WDR90: variants seen among roughly 807,000 people sequenced by gnomAD.
WDR90 encodes the protein WD repeat domain 90, also known as WD repeat-containing protein 90.
In WDR90, 238 loss-of-function variants were observed where a neutral mutation model predicts 195.2. That is an observed-to-expected ratio of 1.22 (90% CI 1.10 to 1.36). WDR90 has a LOEUF of 1.36. Among genes scored for constraint, WDR90 ranks in the 40% most tolerant of loss-of-function variants. The pLI is 0.00. For missense variants in WDR90, 2,734 were observed against 2,439.5 expected (o/e 1.12, Z -2.54); for synonymous variants, 1,265 against 1,052.4 (o/e 1.20, Z -3.91).
Position 652,054 on chromosome 16 carries a change from C to T in WDR90, c.1053+15C>T, listed in dbSNP as rs763523006. On this transcript the variant is annotated intron_variant, in intron 9 of 40. Transcript: ENST00000293879. Reference sequence around the variant, plus strand: ...GCTCCTGCGAAGTGAGTGCCCATCCCACAGCAGGCGGGGCCTGGTGAGGTG... The same window carrying T: ...GCTCCTGCGAAGTGAGTGCCCATCCTACAGCAGGCGGGGCCTGGTGAGGTG... 3.6e-5 allele frequency: 56 copies of T among 1,576,786 alleles called. No homozygotes were observed. The South Asian group carries it at 6.0e-4, about 17-fold the overall frequency.
intron 17 of WDR90, 178 bp downstream of exon 17, chr16:656,067 G>A (rs9932866): frequency 0.45 from 376,825 of 837,688 alleles, 97,807 homozygotes; most frequent in East Asian, 0.97. Context: ...GGCGGCCCGC[G>A]GGGCAGCCTC....
In WDR90 at chr16:650,678, C is replaced by T. The variant is rs1271101891; in HGVS notation, c.528C>T (p.Asn176=). The change falls in exon 5 of 41, where the codon AAC becomes AAT. Residue 176 remains asparagine (N), a synonymous_variant. Transcript: ENST00000293879. ...IRLCASLLVR[N]LYTSDLCFEP... The stretch of plus-strand genomic sequence containing the variant: ...TGTGCGCCAGCCTGCTGGTCAGGAA[C>T]CTGTACACCAGTGACCTGTGCTTTG... 1.9e-6 allele frequency: 3 copies of T among 1,612,416 alleles called. No homozygotes were observed. The highest frequency in any genetic ancestry group is 2.5e-6 in the Non-Finnish European group (3 of 1,179,614).
Position 658,566 on chromosome 16 carries a change from C to G in WDR90, c.2808C>G (p.Leu936=), listed in dbSNP as rs1443632079. Residue 936 remains leucine (L), a synonymous_variant, in exon 23 of 41, where the codon CTC becomes CTG. Transcript: ENST00000293879. The stretch of plus-strand genomic sequence containing the variant: ...CTGAGCCCTGCCCCTCCTTGACGCT[C>G]AGTGAGGACGCCCGCTTCCTGCTGA... The part of the protein sequence containing the change: ...VHPEPCPSLT[L]SEDARFLLIA... 18 of 1,612,590 alleles carry G rather than the reference C, an allele frequency of 1.1e-5. No homozygotes were observed. In the Admixed American group the frequency reaches 2.7e-4, roughly 24 times the overall value.
intron 34 of WDR90, among the ~76,000 whole-genome samples, chr16:664,560 C>A (rs1312294089): frequency 6.6e-6 from 1 of 152,190 alleles, no homozygotes; most frequent in African/African-American, 2.4e-5. Flanking sequence ...GTGGTTCTGC[C>A]TGGGCGGTTC....
chr16:662,554 C>A, intron 33 of WDR90, 125 bp from the exon 34 acceptor site: 1 of 1,368,780 alleles, frequency 7.3e-7, no homozygotes, highest in Non-Finnish European at 9.9e-7. Context: ...CTTCTTCCAC[C>A]GGGAGGGCAC....
At chr16:652,338 C>A in intron 9 of WDR90, 129 bp from the exon 10 acceptor site, 1 of 1,131,100 alleles carries the variant, frequency 8.8e-7, no homozygotes. Flanking sequence ...CCAGCAGGAG[C>A]CACCCAGGAC....
At chr16:656,994 G>C (rs2037769595) in intron 19 of WDR90, 97 bp from the exon 20 acceptor site, 1 of 1,557,962 alleles carries the variant, frequency 6.4e-7, no homozygotes, top group African/African-American at 1.4e-5. Flanking sequence ...TGCCCCATGG[G>C]GACTTCCATG....
In WDR90 at chr16:650,981, C is replaced by T; in HGVS notation, c.560-14C>T. 1 of 1,612,632 alleles carries T rather than the reference C, an allele frequency of 6.2e-7. No homozygotes were observed. The highest frequency in any genetic ancestry group is 8.5e-7 in the Non-Finnish European group (1 of 1,179,720). On this transcript the variant is annotated splice_polypyrimidine_tract_variant and intron_variant, in intron 5 of 40. Transcript: ENST00000293879. ...ACAGCCTCCCTTGACCTGGAACAAC[C>T]CTGCTCCTTGTAGCCATCTCTGGGG...
intron 7 of WDR90, among the ~76,000 whole-genome samples, 163 bp downstream of exon 7, chr16:651,429 G>A (rs1420930116): frequency 6.6e-6 from 1 of 152,136 alleles, no homozygotes; most frequent in Non-Finnish European, 1.5e-5. Flanking sequence ...GAACCACGAG[G>A]GTGGGAAGTC....
chr16:653,110 CTGCT>C (rs1490126696), intron 10 of WDR90, among the ~76,000 whole-genome samples: 9 of 152,232 alleles, frequency 5.9e-5, no homozygotes, highest in Non-Finnish European at 1.2e-4. Flanking sequence ...GTACACGTGT[CTGCT>C]TGAGTGTTCC....
In WDR90 at chr16:655,714, G is replaced by C. The variant is rs368976518; in HGVS notation, c.1849+11G>C. The C allele has an allele frequency of 1.3e-6, 2 of 1,584,194 alleles. No homozygotes were observed. Among genetic ancestry groups the C allele is most frequent in the African/African-American group, 2.7e-5 (2 of 74,416 alleles). On this transcript the variant is annotated intron_variant, in intron 16 of 40. Transcript: ENST00000293879. The stretch of plus-strand genomic sequence containing the variant: ...AGACCTTCAGCTCAGGTAAGAGGGC[G>C]CCCACCACGTGGCCAGGGTGGCAGG...
intron 23 of WDR90, 121 bp downstream of exon 23, chr16:658,774 C>A: frequency 6.5e-7 from 1 of 1,550,216 alleles, no homozygotes; most frequent in South Asian, 1.2e-5. Flanking sequence ...GAGTGACCCC[C>A]CAAGGATCCT....
intron 10 of WDR90, 61 bp downstream of exon 10, chr16:652,596 A>G: frequency 2.0e-6 from 3 of 1,499,168 alleles, no homozygotes; most frequent in African/African-American, 1.4e-5. Flanking sequence ...CGCTGAGTAC[A>G]GAACGGGGAG....
rs754336682 is a variant in WDR90, at chr16:661,431, C to T, written c.3603C>T (p.Leu1201=). 3 of 1,612,414 alleles carry T rather than the reference C, an allele frequency of 1.9e-6. No individual in the cohort carries two copies. Among genetic ancestry groups the T allele is most frequent in the Non-Finnish European group, 2.5e-6 (3 of 1,179,912 alleles). The change falls in exon 30 of 41, where the codon CTC becomes CTT. Residue 1201 remains leucine, a synonymous_variant. Transcript: ENST00000293879. ...WDVSGGLCQH[L]IFPHSTTVLA... is the part of the protein sequence containing the mutation. ...TGTCTGGCGGCCTCTGCCAGCATCT[C>T]ATTTTCCCCCATAGCACCACCGTGC...
At chr16:651,128 G>T (rs753430938) in intron 6 of WDR90, 25 bp downstream of exon 6, 4 of 1,613,232 alleles carry the variant, frequency 2.5e-6, no homozygotes, top group Non-Finnish European at 3.4e-6. Flanking sequence ...TTCTTTCGAG[G>T]GAGGCCTCGG....
At position 657,775 on chromosome 16, in the gene WDR90, C is replaced by T. The variant is rs1260236319; in HGVS notation, c.2487C>T (p.Cys829=). ...GTGTGGCCACAGCGGACATGGTATG[C>T]CCGGATGCCCCCGCGAGCCCCAGCG... The part of the protein sequence containing the change: ...HVLRVAADMV[C]PDAPASPSAL... The change falls in exon 21 of 41, where the codon TGC becomes TGT. Residue 829 remains cysteine (C), a synonymous_variant. Transcript: ENST00000293879. 3.9e-6 allele frequency: 6 copies of T among 1,549,184 alleles called. No homozygotes were observed. The highest frequency in any genetic ancestry group is 4.4e-6 in the Non-Finnish European group (5 of 1,146,672).
At chr16:660,526 G>A (rs2037873127) in intron 27 of WDR90, 86 bp from the exon 28 acceptor site, 2 of 1,387,396 alleles carry the variant, frequency 1.4e-6, no homozygotes, top group South Asian at 2.5e-5. Flanking sequence ...GCCTGGGTGT[G>A]CCCCAACACA....
intron 14 of WDR90, 34 bp downstream of exon 14, chr16:655,181 G>A: frequency 6.2e-7 from 1 of 1,612,374 alleles, no homozygotes; most frequent in Non-Finnish European, 8.5e-7. Context: ...TGTTGGGAGA[G>A]GGTCTGGGCC....
chr16:662,213 C>A lies in WDR90; in HGVS notation c.4034-7C>A. The stretch of plus-strand genomic sequence containing the variant: ...CCGTGGCCCCTTATGGCTCCTCCTG[C>A]CCCTAGGGCTGTTGCTGTTCTCGGG... On this transcript the variant is annotated splice_polypyrimidine_tract_variant and splice_region_variant and intron_variant, in intron 32 of 40. Coordinates refer to ENST00000293879, the MANE Select transcript of WDR90 (RefSeq NM_145294.5). 1 of 1,549,220 alleles carries A rather than the reference C, an allele frequency of 6.5e-7. No individual in the cohort carries two copies.
Sources: allele counts gnomAD v4.1 joint callset (sites outside exome capture counted in the v4.1 genomes callset), GRCh38; gene constraint gnomAD v4.1.1; transcripts MANE v1.5; gene names NCBI Gene and HGNC (gene_info 2026-07-23, HGNC 2026-07-21).